ZC3H7A: variants seen among roughly 807,000 people sequenced by gnomAD.
ZC3H7A encodes zinc finger CCCH-type containing 7A, also known as zinc finger CCCH domain-containing protein 7A.
Under a neutral mutation model 125.5 loss-of-function variants are expected in ZC3H7A, and 44 were observed. The observed-to-expected ratio is 0.35, with a 90% CI of 0.28 to 0.45. The LOEUF (loss-of-function observed/expected upper bound fraction) is 0.45. Among genes scored for constraint, ZC3H7A ranks in the 20% least tolerant of loss-of-function variants. The pLI is 1.00. For synonymous variants in ZC3H7A, 399 were observed against 391.2 expected (o/e 1.02, Z -0.23); for missense variants, 977 against 1,170.7 (o/e 0.83, Z 2.41).
At chr16:11,759,055 T>G (rs116297302) in intron 19 of ZC3H7A, 2 of 153,098 alleles carry the variant, frequency 1.3e-5, no homozygotes, top group Admixed American at 6.5e-5. Flanking sequence ...CAGAAGACAA[T>G]TATCACACTA....
chr16:11,765,218 G>T lies in ZC3H7A; in HGVS notation c.1720-65C>A. 1 of 1,051,484 alleles carries T rather than the reference G, an allele frequency of 9.5e-7. No homozygotes were observed. Among genetic ancestry groups the T allele is most frequent in the African/African-American group, 1.7e-5 (1 of 59,278 alleles). 65.1% of individuals were successfully genotyped at this position (1,051,484 alleles called of 1,614,324 possible). ...ATATAAATTTTGTACCCAGAATATT[G>T]TCCTAGTTTCAATATCATTACAAAA... On this transcript the variant is annotated intron_variant, in intron 14 of 22. Coordinates refer to ENST00000355758, the MANE Select transcript of ZC3H7A (RefSeq NM_014153.4). This position sits in a 1 kb window ranked among gnomAD's most constrained non-coding sequence, Gnocchi z 4.8.
rs949640758 is a variant in ZC3H7A at position 11,765,792 on chromosome 16, G to A, written c.1523-107C>T. The stretch of plus-strand genomic sequence containing the variant: ...GGATCCCTTGAGCCCAGGAGTTCAA[G>A]GCTGCGGTGAGCAATGATCTTGCCA... On this transcript the variant is annotated intron_variant, in intron 13 of 22. Transcript: ENST00000355758. This position sits in a 1 kb window ranked among gnomAD's most constrained non-coding sequence, Gnocchi z 4.8. The A allele has an allele frequency of 1.9e-6, 2 of 1,064,854 alleles. No homozygotes were observed. The highest frequency in any genetic ancestry group is 5.6e-5 in the Admixed American group (2 of 35,992). 66.0% of individuals were successfully genotyped at this position (1,064,854 alleles called of 1,614,324 possible). A position where few individuals can be genotyped will look rare whatever the true frequency, so the allele number is the denominator to read the frequency against.
intron 4 of ZC3H7A, among the ~76,000 whole-genome samples, chr16:11,777,815 T>C (rs1203780960): frequency 1.4e-5 from 2 of 143,732 alleles, no homozygotes; most frequent in Admixed American, 1.4e-4. Context: ...AGGTCAGGAG[T>C]TCGAGACCAG....
In ZC3H7A at chr16:11,768,380, G is replaced by A. The variant is rs1482036121; in HGVS notation, c.1295C>T (p.Pro432Leu). The A allele has an allele frequency of 1.3e-6, 2 of 1,597,888 alleles. No homozygotes were observed. The highest frequency in any genetic ancestry group is 1.7e-6 in the Non-Finnish European group (2 of 1,169,656). Residue 432 changes from proline to leucine, a missense_variant, in exon 12 of 23, where the codon CCA becomes CTA. Transcript: ENST00000355758. ...ATGGGTTCCTTCGAGGGGATGTCTTGGAGTCACTGATGAAGATGGTTTGGT... is the reference window on the plus strand; with the variant it reads ...ATGGGTTCCTTCGAGGGGATGTCTTAGAGTCACTGATGAAGATGGTTTGGT... ...AVTKPSSSVTPRHPLEGTHEL... is the reference protein window; with the variant it reads ...AVTKPSSSVTLRHPLEGTHEL...
At chr16:11,757,523 G>C (rs9940961) in intron 20 of ZC3H7A, among the ~76,000 whole-genome samples, 26,546 of 148,878 alleles carry the variant, frequency 0.18, 3,823 homozygotes, top group African/African-American at 0.4. Context: ...TTTGTTCCCA[G>C]TTGAGAACCA....
chr16:11,755,129 G>C (rs973341464), intron 21 of ZC3H7A, among the ~76,000 whole-genome samples: 6 of 150,478 alleles, frequency 4.0e-5, no homozygotes, highest in Admixed American at 1.3e-4. Flanking sequence ...AGAATCGCTT[G>C]AACCCGAGAG....
chr16:11,788,602 TC>T (rs766276884), intron 1 of ZC3H7A, among the ~76,000 whole-genome samples: 3 of 103,840 alleles, frequency 2.9e-5, no homozygotes, highest in South Asian at 6.4e-4. Flanking sequence ...TATATTGCTT[TC>T]TTTTTTTTCT....
intron 16 of ZC3H7A, 71 bp downstream of exon 16, chr16:11,763,407 C>A (rs1246678039): frequency 1.6e-5 from 23 of 1,473,834 alleles, no homozygotes; most frequent in Non-Finnish European, 2.1e-5. Flanking sequence ...CCACGCCAGG[C>A]CCAAATTACT....
At chr16:11,780,648 C>T (rs1303408631) in intron 3 of ZC3H7A, among the ~76,000 whole-genome samples, 2 of 152,142 alleles carry the variant, frequency 1.3e-5, no homozygotes, top group Non-Finnish European at 2.9e-5. Context: ...CAGTTTATTT[C>T]TGGCTCTAAT....
intron 10 of ZC3H7A, 26 bp from the exon 11 acceptor site, chr16:11,769,121 G>A (rs1472975149): frequency 6.3e-7 from 1 of 1,588,760 alleles, no homozygotes; most frequent in Non-Finnish European, 8.6e-7. Flanking sequence ...AACTTCAACA[G>A]ACCTTTTCAT....
chr16:11,762,600 C>A, intron 17 of ZC3H7A, 71 bp downstream of exon 17: 1 of 1,441,746 alleles, frequency 6.9e-7, no homozygotes, highest in East Asian at 2.3e-5. Context: ...ACTGCATCCA[C>A]CAACAACCAA....
Position 11,758,346 on chromosome 16 carries a change from G to A in ZC3H7A, c.2428+85C>T, listed in dbSNP as rs966086197. 6.0e-6 allele frequency: 6 copies of A among 1,004,510 alleles called. No homozygotes were observed. The East Asian group carries it at 1.5e-4, about 25-fold the overall frequency. The allele number at this position is 1,004,510 out of a possible 1,614,324, so 62.2% of individuals were successfully genotyped here. A position where few individuals can be genotyped will look rare whatever the true frequency, so the allele number is the denominator to read the frequency against. ...GTTTAGAATGCAAACTGCTTTCTGTGTTCACAGGAAGCTGGCATATTTATA... is the reference window on the plus strand; with the variant it reads ...GTTTAGAATGCAAACTGCTTTCTGTATTCACAGGAAGCTGGCATATTTATA... On this transcript the variant is annotated intron_variant, in intron 20 of 22. Transcript: ENST00000355758.
In ZC3H7A at chr16:11,762,004, T is replaced by C. The variant is rs1268500444; in HGVS notation, c.2119A>G (p.Lys707Glu). 1.9e-6 allele frequency: 3 copies of C among 1,612,316 alleles called. No individual in the cohort carries two copies. Among genetic ancestry groups the C allele is most frequent in the Non-Finnish European group, 2.5e-6 (3 of 1,179,604 alleles). Residue 707 changes from lysine (K) to glutamate (E), a missense_variant, in exon 18 of 23, where the codon AAG becomes GAG. This residue lies in a region of ZC3H7A where 436 missense variants were observed against 603.2 expected (regional missense o/e 0.72). Transcript: ENST00000355758. The stretch of plus-strand genomic sequence containing the variant: ...CACTGGGCGCACACAAACTTTATCT[T>C]CATATTAAGAAATCCAGGCATTATT... ...NQIMPGFLNM[K>E]IKFVCAQCLR... is the part of the protein sequence containing the mutation.
chr16:11,761,654 T>C (rs2052755085), intron 18 of ZC3H7A, 143 bp from the exon 19 acceptor site: 1 of 895,298 alleles, frequency 1.1e-6, no homozygotes, highest in Non-Finnish European at 1.7e-6. Flanking sequence ...GATTCTGTAT[T>C]TTCACTTCCT....
rs2052689713 is a variant in ZC3H7A at position 11,758,463 on chromosome 16, C to T, written c.2396G>A (p.Arg799Lys). 6.2e-7 allele frequency: 1 copy of T among 1,613,878 alleles called. No homozygotes were observed. Among genetic ancestry groups the T allele is most frequent in the Non-Finnish European group, 8.5e-7 (1 of 1,179,772 alleles). ...CTCCTTCATGTAAGTCCAAACTTCT[C>T]TTTCCTCAGGACTATGAGCAAAGGA... ...NCSFAHSPEE[R>K]EVWTYMKENG... The change falls in exon 20 of 23, where the codon AGA (arginine) becomes AAA (lysine). Residue 799 changes from arginine (R) to lysine (K), a missense_variant. Around this residue, in one of 3 missense-constraint regions of ZC3H7A, gnomAD observed 436 missense variants for 603.2 expected, o/e 0.72. Transcript: ENST00000355758.
chr16:11,786,007 G>C (rs1476375436), intron 1 of ZC3H7A, among the ~76,000 whole-genome samples: 1 of 152,196 alleles, frequency 6.6e-6, no homozygotes, highest in Non-Finnish European at 1.5e-5. Context: ...AATCATGGGA[G>C]ACTACAGCAG....
chr16:11,784,425 T>C (rs1596402222), intron 1 of ZC3H7A, among the ~76,000 whole-genome samples: 1 of 152,164 alleles, frequency 6.6e-6, no homozygotes, highest in African/African-American at 2.4e-5. Flanking sequence ...AAAGATTTTT[T>C]AAATTAACTC....
At chr16:11,796,795 GA>G (rs1433317217) in intron 1 of ZC3H7A, 2 of 151,922 alleles carry the variant, frequency 1.3e-5, no homozygotes, top group African/African-American at 4.8e-5. Context: ...AGAGCAGACA[GA>G]AATAACCAAA....
intron 21 of ZC3H7A, among the ~76,000 whole-genome samples, chr16:11,754,409 CA>C (rs2052603612): frequency 6.7e-6 from 1 of 150,182 alleles, no homozygotes; most frequent in East Asian, 2.0e-4. Flanking sequence ...TAAACATTCA[CA>C]GGGCATGTCA....
Sources: gnomAD v4.1 joint callset for allele counts (sites outside exome capture counted in the v4.1 genomes callset) on GRCh38, gnomAD v4.1.1 for gene constraint, gnomAD v4.1.1 regional missense constraint, Gnocchi (gnomAD v3.1) non-coding constraint, MANE v1.5 for transcripts, NCBI Gene and HGNC (gene_info 2026-07-23, HGNC 2026-07-21) for gene names.